GNAT3: variants seen among roughly 807,000 people sequenced by gnomAD.
The protein encoded by GNAT3 is G protein subunit alpha transducin 3, also known as guanine nucleotide-binding protein G(t) subunit alpha-3.
A neutral mutation model predicts 37.7 loss-of-function variants in GNAT3; 31 were observed. That is an observed-to-expected ratio of 0.82 (90% CI 0.62 to 1.11). The LOEUF (loss-of-function observed/expected upper bound fraction) is 1.11, where lower values mean the gene tolerates loss of function less well. Ranked by LOEUF, GNAT3 falls within the 50% of genes most tolerant of loss-of-function variation. GNAT3 has a pLI of 0.00. For missense variants in GNAT3, 437 were observed against 412.5 expected, an observed-to-expected ratio of 1.06 and a Z score of -0.51; for synonymous variants, 138 against 139.8, an observed-to-expected ratio of 0.99 and a Z score of 0.09.
chr7:80,475,934 G>A (rs1790295070), intron 4 of GNAT3, among the ~76,000 whole-genome samples: 1 of 152,026 alleles, frequency 6.6e-6, no homozygotes, highest in Non-Finnish European at 1.5e-5. Flanking sequence ...ACATTAAGAT[G>A]TAAATGTATT....
intron 5 of GNAT3, among the ~76,000 whole-genome samples, chr7:80,470,933 T>C (rs1321079014): frequency 1.3e-5 from 2 of 151,454 alleles, no homozygotes; most frequent in African/African-American, 4.8e-5. Context: ...TCTGTGAGGG[T>C]GTTGCCAAAG....
intron 1 of GNAT3, among the ~76,000 whole-genome samples, chr7:80,495,239 A>T (rs1790693772): frequency 1.3e-5 from 2 of 152,144 alleles, no homozygotes; most frequent in Admixed American, 1.3e-4. Flanking sequence ...TTCTTTGGGT[A>T]CATATGCTGT....
At chr7:80,479,435 G>C (rs1189272508) in intron 3 of GNAT3, among the ~76,000 whole-genome samples, 1 of 151,770 alleles carries the variant, frequency 6.6e-6, no homozygotes, top group Non-Finnish European at 1.5e-5. Flanking sequence ...AAAAATTAGA[G>C]TAGACCGGGC....
At chr7:80,497,137 AT>A (rs1790731429) in intron 1 of GNAT3, among the ~76,000 whole-genome samples, 2 of 152,210 alleles carry the variant, frequency 1.3e-5, no homozygotes, top group Non-Finnish European at 2.9e-5. Flanking sequence ...ATTTCTTTAC[AT>A]AATCAAACAC....
At chr7:80,502,099 G>A (rs1475484910) in intron 1 of GNAT3, among the ~76,000 whole-genome samples, 2 of 151,910 alleles carry the variant, frequency 1.3e-5, no homozygotes, top group South Asian at 2.1e-4. Flanking sequence ...CACTAAGAGG[G>A]TAGATCTTAT....
intron 4 of GNAT3, among the ~76,000 whole-genome samples, chr7:80,478,007 C>T (rs1790333836): frequency 6.6e-6 from 1 of 152,154 alleles, no homozygotes. Context: ...ACCTCCTGCG[C>T]TCAAGCAATC....
intron 1 of GNAT3, among the ~76,000 whole-genome samples, chr7:80,504,495 T>G (rs1054286843): frequency 7.2e-5 from 11 of 152,156 alleles, no homozygotes; most frequent in Admixed American, 2.6e-4. Flanking sequence ...GAGAAGTATT[T>G]CAATATAAAA....
At chr7:80,494,495 T>A (rs1790676730) in intron 2 of GNAT3, 110 bp downstream of exon 2, 1 of 653,262 alleles carries the variant, frequency 1.5e-6, no homozygotes, top group African/African-American at 1.8e-5. Flanking sequence ...CTATGATCCA[T>A]GATTTAGAAA....
intron 3 of GNAT3, chr7:80,486,595 C>A (rs576654288): frequency 2.0e-4 from 30 of 149,578 alleles, no homozygotes; most frequent in African/African-American, 6.4e-4. Flanking sequence ...CAGGTACACA[C>A]CACCATGCCT....
rs1584182462 is a variant in GNAT3, at chr7:80,485,837, T to G, written c.303+2698A>C. On this transcript the variant is annotated intron_variant, in intron 3 of 7. Coordinates refer to ENST00000398291, the MANE Select transcript of GNAT3 (RefSeq NM_001102386.3). ...ATTTCTTATGTTTTTGCTTCCTTCTTTAATAGTCATTGTAACTCAAGGAGG... is the reference window on the plus strand; with the variant it reads ...ATTTCTTATGTTTTTGCTTCCTTCTGTAATAGTCATTGTAACTCAAGGAGG... Among the ~76,000 whole-genome samples, 3 of 152,296 alleles carry G rather than the reference T, an allele frequency of 2.0e-5. No individual in the cohort carries two copies. The East Asian group carries it at 5.8e-4, about 29-fold the overall frequency.
At chr7:80,460,847 G>A (rs1790036227) in intron 7 of GNAT3, among the ~76,000 whole-genome samples, 1 of 151,988 alleles carries the variant, frequency 6.6e-6, no homozygotes, top group African/African-American at 2.4e-5. Flanking sequence ...CCACACCAAA[G>A]CAGTTCTCTA....
intron 4 of GNAT3, among the ~76,000 whole-genome samples, chr7:80,477,470 TTC>T (rs1392360230): frequency 1.3e-5 from 2 of 152,160 alleles, no homozygotes; most frequent in Admixed American, 1.3e-4. Context: ...ATGAGACTCA[TTC>T]TCTCCATCAG....
At chr7:80,479,045 C>T (rs548582247) in intron 3 of GNAT3, 47 bp from the exon 4 acceptor site, 1 of 1,324,306 alleles carries the variant, frequency 7.6e-7, no homozygotes, top group South Asian at 1.5e-5. Context: ...TTTGGAATCA[C>T]ATATTCTATT....
chr7:80,474,220 G>C (rs753926576), intron 5 of GNAT3, 31 bp downstream of exon 5: 5 of 1,592,656 alleles, frequency 3.1e-6, no homozygotes, highest in Middle Eastern at 1.7e-4. Context: ...GCATACTTCT[G>C]TCTACAGTTA....
rs186086930 is a variant in GNAT3, at chr7:80,511,821, G to T, written c.106C>A (p.Leu36Met). The T allele has an allele frequency of 4.7e-3, 7,568 of 1,607,398 alleles. 29 individuals carry two copies. Among genetic ancestry groups the T allele is most frequent in the Non-Finnish European group, 6.0e-3 (7,019 of 1,175,026 alleles). Residue 36 changes from leucine to methionine, a missense_variant, in exon 1 of 8, where the codon CTG becomes ATG. Coordinates refer to ENST00000398291, the MANE Select transcript of GNAT3 (RefSeq NM_001102386.3). ...DAERDARTVK[L>M]LLLGAGESGK... ...GAAAAGAAATTACCTAATAGTAGCA[G>T]CTTTACGGTTCTTGCATCTCGCTCA...
chr7:80,512,001 A>T lies in GNAT3; in HGVS notation c.-75T>A. 1 of 952,254 alleles carries T rather than the reference A, an allele frequency of 1.1e-6. No individual in the cohort carries two copies. Among genetic ancestry groups the T allele is most frequent in the Non-Finnish European group, 1.6e-6 (1 of 607,500 alleles). The allele number at this position is 952,254 out of a possible 1,614,324, so 59.0% of individuals were successfully genotyped here. A position where few individuals can be genotyped will look rare whatever the true frequency, so the allele number is the denominator to read the frequency against. ...TTGAGCACAGCTGTGGTTTGGACAT[A>T]GGAGGCAAGAGTAATGCTCTGCTGA... On this transcript the variant is annotated 5_prime_UTR_variant, in exon 1 of 8. Coordinates refer to ENST00000398291, the MANE Select transcript of GNAT3 (RefSeq NM_001102386.3).
intron 1 of GNAT3, among the ~76,000 whole-genome samples, chr7:80,505,101 A>G (rs1031307779): frequency 6.6e-6 from 1 of 152,196 alleles, no homozygotes. Flanking sequence ...ACAGCATTAC[A>G]TTCAAGAAAA....
chr7:80,476,791 G>A (rs1790311228), intron 4 of GNAT3, among the ~76,000 whole-genome samples: 1 of 151,354 alleles, frequency 6.6e-6, no homozygotes. Context: ...TTAATTTCTG[G>A]AAGAAAGCAA....
chr7:80,468,290 GATT>G (rs79730565), intron 5 of GNAT3, among the ~76,000 whole-genome samples: 42,415 of 151,580 alleles, frequency 0.28, 6,791 homozygotes, highest in East Asian at 0.59. Context: ...TATCAGAATA[GATT>G]ATTATAATAT....
Sources: allele counts gnomAD v4.1 joint callset (sites outside exome capture counted in the v4.1 genomes callset), GRCh38; gene constraint gnomAD v4.1.1; transcripts MANE v1.5; gene names NCBI Gene and HGNC (gene_info 2026-07-23, HGNC 2026-07-21).